TMX4: variants seen among roughly 807,000 people sequenced by gnomAD.
The protein encoded by TMX4 is thioredoxin related transmembrane protein 4.
A neutral mutation model predicts 33.3 loss-of-function variants in TMX4; 23 were observed. The ratio of observed to expected loss-of-function variants is 0.69; its 90% CI spans 0.50 to 0.98. TMX4 has a LOEUF of 0.98. Ranked by LOEUF, TMX4 falls within the 50% of genes least tolerant of loss-of-function variation. TMX4 has a pLI of 0.00. For synonymous variants in TMX4, 164 were observed against 161.5 expected (o/e 1.02, Z -0.12); for missense variants, 399 against 448.9 (o/e 0.89, Z 1.01).
Position 8,003,443 on chromosome 20 carries a change from G to A in TMX4, c.293-1902C>T, listed in dbSNP as rs188688217. Among the ~76,000 whole-genome samples the A allele has an allele frequency of 1.4e-4, 22 of 152,078 alleles. No individual in the cohort carries two copies. The East Asian group carries it at 1.9e-3, about 13-fold the overall frequency. On this transcript the variant is annotated intron_variant, in intron 2 of 7. Coordinates refer to ENST00000246024, the MANE Select transcript of TMX4 (RefSeq NM_021156.4). ...GATTTTTTAACTTGCTCTTTTGTAT[G>A]TTCTTAGTCATCACTGGCTATGACA...
At chr20:7,991,651 G>T (rs1233644294) in intron 5 of TMX4, among the ~76,000 whole-genome samples, 1 of 152,078 alleles carries the variant, frequency 6.6e-6, no homozygotes, top group African/African-American at 2.4e-5. Flanking sequence ...ATCAGCATTG[G>T]CTAAAAAAAT....
intron 6 of TMX4, among the ~76,000 whole-genome samples, chr20:7,984,853 C>CA (rs60707879): frequency 0.015 from 2,105 of 143,854 alleles, 51 homozygotes; most frequent in East Asian, 0.066. Context: ...GGTGAGATTA[C>CA]AAAAAAAAAA....
chr20:8,019,230 A>C, intron 1 of TMX4: 6 of 569,028 alleles, frequency 1.1e-5, no homozygotes, highest in East Asian at 7.4e-5. Flanking sequence ...GTCGTTGGTA[A>C]GGCGGGTCCG....
chr20:8,019,306 T>G, intron 1 of TMX4, 132 bp downstream of exon 1: 3 of 1,117,458 alleles, frequency 2.7e-6, no homozygotes, highest in Non-Finnish European at 3.6e-6. Context: ...CGCCGCAGGT[T>G]GTTGGCAAGC....
At chr20:8,006,126 G>A (rs914926971) in intron 2 of TMX4, among the ~76,000 whole-genome samples, 8 of 148,706 alleles carry the variant, frequency 5.4e-5, no homozygotes, top group Non-Finnish European at 1.0e-4. Flanking sequence ...TTATGCTGCC[G>A]TGGGATCGGA....
intron 6 of TMX4, among the ~76,000 whole-genome samples, chr20:7,984,965 T>C (rs185697319): frequency 2.8e-4 from 42 of 152,228 alleles, no homozygotes; most frequent in African/African-American, 7.5e-4. Flanking sequence ...TCCTTTACCC[T>C]GGCATGCTAC....
intron 2 of TMX4, among the ~76,000 whole-genome samples, chr20:8,004,587 T>C (rs1411184273): frequency 6.6e-6 from 1 of 152,126 alleles, no homozygotes; most frequent in African/African-American, 2.4e-5. Context: ...GCAGGACAGA[T>C]TTTAACACTG....
intron 1 of TMX4, 29 bp from the exon 2 acceptor site, chr20:8,010,344 A>G (rs760289169): frequency 7.0e-7 from 1 of 1,434,970 alleles, no homozygotes; most frequent in Non-Finnish European, 9.5e-7. Flanking sequence ...AATTATATTG[A>G]TAAATATACA....
chr20:7,996,810 A>G (rs2050678426), intron 4 of TMX4, among the ~76,000 whole-genome samples: 1 of 152,132 alleles, frequency 6.6e-6, no homozygotes, highest in African/African-American at 2.4e-5. Context: ...CTTTAAAAAG[A>G]GTATCCCTGG....
rs773206050 is a variant in TMX4 at position 8,019,755 on chromosome 20, G to T, written c.-142C>A. On this transcript the variant is annotated 5_prime_UTR_variant, in exon 1 of 8. Coordinates refer to ENST00000246024, the MANE Select transcript of TMX4 (RefSeq NM_021156.4). ...CCTACGCCTAGCGGCGCAGACTGGC[G>T]GTGCTCGCAATGCCGCGGAGGACGC... 1.6e-5 allele frequency: 11 copies of T among 700,032 alleles called. No individual in the cohort carries two copies. Among genetic ancestry groups the T allele is most frequent in the African/African-American group, 5.6e-5 (3 of 53,262 alleles). The allele number at this position is 700,032 out of a possible 1,614,324, so 43.4% of individuals were successfully genotyped here.
At chr20:8,019,387 G>A (rs1215853436) in intron 1 of TMX4, 51 bp downstream of exon 1, 5 of 1,496,320 alleles carry the variant, frequency 3.3e-6, no homozygotes, top group East Asian at 5.7e-5. Flanking sequence ...GGCTTGGGAG[G>A]GTGACGCCCG....
In TMX4 at chr20:8,019,614, G is replaced by T; in HGVS notation, c.-1C>A. 7.5e-7 allele frequency: 1 copy of T among 1,341,434 alleles called. No homozygotes were observed. Among genetic ancestry groups the T allele is most frequent in the South Asian group, 2.0e-5 (1 of 49,986 alleles). The allele number at this position is 1,341,434 out of a possible 1,614,324, so 83.1% of individuals were successfully genotyped here. A position where few individuals can be genotyped will look rare whatever the true frequency, so the allele number is the denominator to read the frequency against. Reference sequence around the variant, plus strand: ...GCGGGCCGCAGCGCCCACCCGCCATGTTGGGCGCCGAGCGAGGCTTCTCGG... The same window carrying T: ...GCGGGCCGCAGCGCCCACCCGCCATTTTGGGCGCCGAGCGAGGCTTCTCGG... On this transcript the variant is annotated 5_prime_UTR_variant, in exon 1 of 8. Transcript: ENST00000246024.
intron 5 of TMX4, among the ~76,000 whole-genome samples, chr20:7,988,366 A>C (rs1397792362): frequency 6.6e-6 from 1 of 152,216 alleles, no homozygotes; most frequent in Non-Finnish European, 1.5e-5. Flanking sequence ...TCAAAATCTA[A>C]ATCACTCCCA....
At chr20:8,010,992 G>A (rs2050750653) in intron 1 of TMX4, among the ~76,000 whole-genome samples, 1 of 152,080 alleles carries the variant, frequency 6.6e-6, no homozygotes, top group African/African-American at 2.4e-5. Flanking sequence ...GAGATTTGGT[G>A]CCTCCTCTCC....
At position 7,978,353 on chromosome 20, in the gene TMX4, C is replaced by T. The variant is rs1278913414; in HGVS notation, c.*3898G>A. The stretch of plus-strand genomic sequence containing the variant: ...TTCTCTGGACTTCTAATGTTTCCAT[C>T]CTATGAAACAACATACCAGCTCCAC... On this transcript the variant is annotated 3_prime_UTR_variant, in exon 8 of 8. Transcript: ENST00000246024. 2 of 152,114 alleles carry T rather than the reference C, an allele frequency of 1.3e-5. No individual in the cohort carries two copies. Among genetic ancestry groups the T allele is most frequent in the Non-Finnish European group, 2.9e-5 (2 of 68,024 alleles). The allele number at this position is 152,114 out of a possible 1,614,324, so 9.4% of individuals were successfully genotyped here.
chr20:7,998,462 A>G (rs1417566511), intron 4 of TMX4, among the ~76,000 whole-genome samples: 1 of 152,038 alleles, frequency 6.6e-6, no homozygotes, highest in Non-Finnish European at 1.5e-5. Flanking sequence ...GACACAAGCT[A>G]CCACTCTAAG....
chr20:8,015,804 T>TTCATCA (rs2050772556), intron 1 of TMX4, among the ~76,000 whole-genome samples: 1 of 152,202 alleles, frequency 6.6e-6, no homozygotes, highest in African/African-American at 2.4e-5. Context: ...AAAGCTTTGC[T>TTCATCA]CCATCACCAG....
At chr20:7,985,359 G>C (rs1286071319) in intron 6 of TMX4, among the ~76,000 whole-genome samples, 1 of 149,692 alleles carries the variant, frequency 6.7e-6, no homozygotes, top group Admixed American at 6.7e-5. Context: ...CAGCAGCCTC[G>C]AACTCCTGGG....
At position 7,991,950 on chromosome 20, in the gene TMX4, A is replaced by C. The variant is rs574383524; in HGVS notation, c.513+4076T>G. Among the ~76,000 whole-genome samples the C allele has an allele frequency of 1.1e-3, 166 of 152,320 alleles. No homozygotes were observed. In the Middle Eastern group the frequency reaches 0.02, roughly 19 times the overall value. On this transcript the variant is annotated intron_variant, in intron 5 of 7. Coordinates refer to ENST00000246024, the MANE Select transcript of TMX4 (RefSeq NM_021156.4). ...CTGTAGCCAACTGTGAAAAGAGGGAAGACAGAAGACTGGACAGTCTCTCTC... is the reference window on the plus strand; with the variant it reads ...CTGTAGCCAACTGTGAAAAGAGGGACGACAGAAGACTGGACAGTCTCTCTC...
Sources: allele counts gnomAD v4.1 joint callset (sites outside exome capture counted in the v4.1 genomes callset), GRCh38; gene constraint gnomAD v4.1.1; transcripts MANE v1.5; gene names NCBI Gene and HGNC (gene_info 2026-07-23, HGNC 2026-07-21).